FAM120A: variants seen among roughly 807,000 people sequenced by gnomAD.
FAM120A encodes the protein constitutive coactivator of PPAR-gamma-like protein 1.
In FAM120A, 15 loss-of-function variants were observed where a neutral mutation model predicts 109.7. That is an observed-to-expected ratio of 0.14 (90% CI 0.09 to 0.21). The LOEUF is 0.21. Ranked by LOEUF, FAM120A falls within the 10% of genes least tolerant of loss-of-function variation. FAM120A has a pLI of 1.00. For synonymous variants in FAM120A, 493 were observed against 572.8 expected (o/e 0.86, Z 1.99); for missense variants, 899 against 1,439.3 (o/e 0.62, Z 6.07).
intron 15 of FAM120A, among the ~76,000 whole-genome samples, chr9:93,559,225 T>C (rs1354092350): frequency 1.3e-5 from 2 of 152,204 alleles, no homozygotes; most frequent in Non-Finnish European, 2.9e-5. Context: ...CTCTTTGCAT[T>C]TGTATTAGGC....
intron 5 of FAM120A, among the ~76,000 whole-genome samples, chr9:93,508,375 T>G (rs958711788): frequency 1.3e-5 from 2 of 152,136 alleles, no homozygotes; most frequent in Non-Finnish European, 2.9e-5. Flanking sequence ...TGTGTTTCAT[T>G]GGGACAGGAG....
At chr9:93,465,709 C>T (rs981733803) in intron 1 of FAM120A, among the ~76,000 whole-genome samples, 1 of 152,120 alleles carries the variant, frequency 6.6e-6, no homozygotes, top group African/African-American at 2.4e-5. Flanking sequence ...TGATCTAAAC[C>T]AAGAAAATAC....
intron 10 of FAM120A, among the ~76,000 whole-genome samples, chr9:93,540,942 A>G (rs1588897279): frequency 6.6e-6 from 1 of 152,154 alleles, no homozygotes; most frequent in African/African-American, 2.4e-5. Flanking sequence ...GAAAGAAAAA[A>G]ATGAAAAAGT....
intron 1 of FAM120A, among the ~76,000 whole-genome samples, chr9:93,463,012 G>T (rs1045185610): frequency 6.6e-6 from 1 of 151,948 alleles, no homozygotes; most frequent in Non-Finnish European, 1.5e-5. Flanking sequence ...ACATCTCTTC[G>T]GACCCATTTT....
chr9:93,535,160 A>G (rs928579536), intron 10 of FAM120A, among the ~76,000 whole-genome samples: 14 of 152,196 alleles, frequency 9.2e-5, no homozygotes, highest in Admixed American at 9.2e-4. Flanking sequence ...GGAGATGAAG[A>G]CCCGGTTTGG....
intron 5 of FAM120A, among the ~76,000 whole-genome samples, chr9:93,502,804 A>G (rs1479015631): frequency 6.6e-6 from 1 of 152,252 alleles, no homozygotes; most frequent in Non-Finnish European, 1.5e-5. Flanking sequence ...TCACCAATCT[A>G]AATGCAAGCA....
chr9:93,546,764 T>C (rs1195646195), intron 11 of FAM120A, among the ~76,000 whole-genome samples: 2 of 152,238 alleles, frequency 1.3e-5, no homozygotes, highest in Non-Finnish European at 2.9e-5. Context: ...CCAATAACCT[T>C]CTCTTTACAA....
intron 3 of FAM120A, among the ~76,000 whole-genome samples, chr9:93,478,577 A>G (rs1858650279): frequency 6.6e-6 from 1 of 151,856 alleles, no homozygotes; most frequent in African/African-American, 2.4e-5. Context: ...CCAGGGTTCA[A>G]GTGATTCTCC....
At chr9:93,556,307 G>A in intron 12 of FAM120A, 75 bp from the exon 13 acceptor site, 1 of 1,279,714 alleles carries the variant, frequency 7.8e-7, no homozygotes, top group Non-Finnish European at 1.1e-6. Flanking sequence ...ACTTTGGAGA[G>A]TTTTACTAAG....
chr9:93,529,799 C>A, intron 9 of FAM120A: 2 of 611,252 alleles, frequency 3.3e-6, no homozygotes, highest in South Asian at 2.1e-5. Flanking sequence ...TTTTTTCCTT[C>A]AACTTAGTAT....
At chr9:93,482,947 C>T (rs1249732714) in intron 3 of FAM120A, among the ~76,000 whole-genome samples, 3 of 152,114 alleles carry the variant, frequency 2.0e-5, no homozygotes. Context: ...AGCTTTTGTC[C>T]GAGAAGAGCT....
intron 2 of FAM120A, among the ~76,000 whole-genome samples, chr9:93,471,651 T>G (rs879194600): frequency 2.0e-5 from 3 of 152,218 alleles, no homozygotes; most frequent in Non-Finnish European, 4.4e-5. Flanking sequence ...TCATTTAAGG[T>G]TTTGGAAAAC....
At chr9:93,499,841 C>G (rs1203340483) in intron 5 of FAM120A, among the ~76,000 whole-genome samples, 2 of 152,222 alleles carry the variant, frequency 1.3e-5, no homozygotes, top group Non-Finnish European at 2.9e-5. Context: ...TTTGAGAAGA[C>G]TAATTCCAAG....
chr9:93,468,848 C>T (rs1013423987), intron 1 of FAM120A, among the ~76,000 whole-genome samples: 5 of 152,108 alleles, frequency 3.3e-5, no homozygotes, highest in Admixed American at 6.5e-5. Flanking sequence ...AGAGTGTGAA[C>T]GTTTTACAGC....
At chr9:93,508,696 C>T (rs571604976) in intron 5 of FAM120A, among the ~76,000 whole-genome samples, 1 of 152,316 alleles carries the variant, frequency 6.6e-6, no homozygotes, top group Admixed American at 6.5e-5. Flanking sequence ...GGCATCACTC[C>T]ATCCTGACTG....
chr9:93,463,186 T>A (rs1857870088), intron 1 of FAM120A, among the ~76,000 whole-genome samples: 1 of 152,178 alleles, frequency 6.6e-6, no homozygotes, highest in Admixed American at 6.5e-5. Context: ...TTTGTTATTT[T>A]CTTTTTTTTA....
At chr9:93,538,739 CAA>C (rs1473923515) in intron 10 of FAM120A, among the ~76,000 whole-genome samples, 1 of 152,204 alleles carries the variant, frequency 6.6e-6, no homozygotes, top group Non-Finnish European at 1.5e-5. Context: ...GATTGGCTTA[CAA>C]AATGAACCAT....
intron 10 of FAM120A, among the ~76,000 whole-genome samples, chr9:93,533,005 A>G (rs1445982898): frequency 1.3e-5 from 2 of 152,216 alleles, no homozygotes; most frequent in Admixed American, 6.5e-5. Context: ...ATACTTGGAG[A>G]AAATGATGCC....
At chr9:93,548,013 G>A (rs995548445) in intron 11 of FAM120A, among the ~76,000 whole-genome samples, 1 of 152,104 alleles carries the variant, frequency 6.6e-6, no homozygotes, top group Non-Finnish European at 1.5e-5. Context: ...CTGTCCTGGC[G>A]AAGTTGAATT....
Sources: gnomAD v4.1 joint callset for allele counts (sites outside exome capture counted in the v4.1 genomes callset) on GRCh38, gnomAD v4.1.1 for gene constraint, MANE v1.5 for transcripts, NCBI Gene and HGNC (gene_info 2026-07-23, HGNC 2026-07-21) for gene names.